Variants in CFAP61 observed in about 807,000 individuals in gnomAD.
CFAP61 encodes the protein cilia- and flagella-associated protein 61.
In CFAP61, 107 loss-of-function variants were observed where a neutral mutation model predicts 135.6. The ratio of observed to expected loss-of-function variants is 0.79; its 90% confidence interval spans 0.67 to 0.93. The LOEUF (loss-of-function observed/expected upper bound fraction) is 0.93. Among genes scored for constraint, CFAP61 ranks in the 40% least tolerant of loss-of-function variants. CFAP61 has a pLI of 0.00. For missense variants in CFAP61, 1,507 were observed against 1,556.2 expected (o/e 0.97, Z 0.53); for synonymous variants, 575 against 578.5 (o/e 0.99, Z 0.09).
intron 22 of CFAP61, among the ~76,000 whole-genome samples, chr20:20,280,977 A>G (rs955938650): frequency 1.3e-5 from 2 of 151,888 alleles, no homozygotes; most frequent in African/African-American, 4.8e-5. Flanking sequence ...TATGTTTGGT[A>G]TCTTTTCGTT....
chr20:20,234,226 C>T (rs1461871761), intron 18 of CFAP61, among the ~76,000 whole-genome samples: 1 of 152,172 alleles, frequency 6.6e-6, no homozygotes, highest in Non-Finnish European at 1.5e-5. Flanking sequence ...TGGGTCCCCA[C>T]TGTGGACATC....
intron 6 of CFAP61, among the ~76,000 whole-genome samples, chr20:20,081,191 C>T (rs962889469): frequency 3.3e-5 from 5 of 152,116 alleles, no homozygotes; most frequent in Non-Finnish European, 7.3e-5. Flanking sequence ...AAACATGTTC[C>T]TACAAAGTAG....
At chr20:20,188,142 G>T (rs2055648649) in intron 14 of CFAP61, 86 bp downstream of exon 14, 10 of 1,449,708 alleles carry the variant, frequency 6.9e-6, no homozygotes. Flanking sequence ...CCTTGGATCT[G>T]AGTTGGAAAA....
At chr20:20,190,245 G>A (rs570668277) in intron 14 of CFAP61, among the ~76,000 whole-genome samples, 1 of 152,304 alleles carries the variant, frequency 6.6e-6, no homozygotes, top group South Asian at 2.1e-4. Flanking sequence ...ACACACTGTG[G>A]CACATCATGT....
At chr20:20,269,184 C>CATATATACATACATGTATATAT (rs1569219557) in intron 21 of CFAP61, among the ~76,000 whole-genome samples, 10 of 84,254 alleles carry the variant, frequency 1.2e-4, no homozygotes, top group Middle Eastern at 0.01. Context: ...TGTATATACA[C>CATATATACATACATGTATATAT]ACACATATAT....
At chr20:20,308,401 T>C (rs2056605017) in intron 25 of CFAP61, among the ~76,000 whole-genome samples, 2 of 141,256 alleles carry the variant, frequency 1.4e-5, no homozygotes, top group African/African-American at 5.2e-5. Flanking sequence ...GAAAACATTC[T>C]CTCCAGATCA....
In CFAP61 at chr20:20,118,251, A is replaced by ATGTT. The variant is rs1371575120; in HGVS notation, c.859+19439_859+19442dup. On this transcript the variant is annotated intron_variant, in intron 8 of 26. Coordinates refer to ENST00000245957, the MANE Select transcript of CFAP61 (RefSeq NM_015585.4). ...TATATGGTCTTCATTATTTTGAGGTATGTTTCTTTCTTTCTTTCTTTCTTT... is the reference window on the plus strand; with the variant it reads ...TATATGGTCTTCATTATTTTGAGGTATGTTTGTTTCTTTCTTTCTTTCTTTCTTT... Among the ~76,000 whole-genome samples, 710 of 113,730 alleles carry ATGTT rather than the reference A, an allele frequency of 6.2e-3. 8 individuals are homozygous for ATGTT. The highest frequency in any genetic ancestry group is 0.021 in the African/African-American group (677 of 31,792). 74.6% of individuals were successfully genotyped at this position (113,730 alleles called of 152,430 possible).
intron 8 of CFAP61, among the ~76,000 whole-genome samples, chr20:20,137,704 G>A (rs1600882868): frequency 6.6e-6 from 1 of 152,274 alleles, no homozygotes; most frequent in South Asian, 2.1e-4. Context: ...GCCAAAGCCT[G>A]GAACTGGGGA....
At chr20:20,084,623 G>A (rs945705531) in intron 6 of CFAP61, among the ~76,000 whole-genome samples, 7 of 152,174 alleles carry the variant, frequency 4.6e-5, no homozygotes, top group South Asian at 4.1e-4. Flanking sequence ...CAGGATCTGC[G>A]TGTCACCCAG....
chr20:20,132,353 G>GT (rs1160703799), intron 8 of CFAP61, among the ~76,000 whole-genome samples: 1 of 151,288 alleles, frequency 6.6e-6, no homozygotes. Context: ...GTTTTGTTTT[G>GT]TTTTTTACTA....
At chr20:20,271,656 C>T (rs2053365645) in intron 21 of CFAP61, among the ~76,000 whole-genome samples, 2 of 152,186 alleles carry the variant, frequency 1.3e-5, no homozygotes, top group South Asian at 4.1e-4. Flanking sequence ...GAGTAATGCA[C>T]GATTTATTCG....
At chr20:20,186,102 T>C (rs1053045907) in intron 13 of CFAP61, among the ~76,000 whole-genome samples, 4 of 152,252 alleles carry the variant, frequency 2.6e-5, no homozygotes, top group African/African-American at 9.6e-5. Flanking sequence ...CATTGTGCAG[T>C]TACCACGTCT....
At chr20:20,257,787 A>T (rs976347478) in intron 20 of CFAP61, among the ~76,000 whole-genome samples, 2 of 152,206 alleles carry the variant, frequency 1.3e-5, no homozygotes, top group African/African-American at 4.8e-5. Flanking sequence ...AAGCTAAATT[A>T]ATCTAATAAA....
intron 19 of CFAP61, among the ~76,000 whole-genome samples, chr20:20,249,461 C>T (rs1185273120): frequency 6.6e-6 from 1 of 152,062 alleles, no homozygotes; most frequent in Non-Finnish European, 1.5e-5. Context: ...ATAGCTTGGG[C>T]CCAGGAGGTC....
chr20:20,169,735 G>T (rs2054088322), intron 13 of CFAP61, among the ~76,000 whole-genome samples: 4 of 151,542 alleles, frequency 2.6e-5, no homozygotes, highest in African/African-American at 9.7e-5. Context: ...TGTAACACAA[G>T]AAACAGATCC....
At chr20:20,086,671 G>T (rs1484505569) in intron 6 of CFAP61, among the ~76,000 whole-genome samples, 1 of 152,076 alleles carries the variant, frequency 6.6e-6, no homozygotes, top group Non-Finnish European at 1.5e-5. Flanking sequence ...CCTTGGCAAG[G>T]TCTCAGCACA....
chr20:20,185,089 T>G (rs901814602), intron 13 of CFAP61, among the ~76,000 whole-genome samples: 1 of 152,176 alleles, frequency 6.6e-6, no homozygotes. Context: ...TGCTCGTAAA[T>G]GTAGCAAAAT....
chr20:20,087,276 T>C (rs544573682), intron 6 of CFAP61, among the ~76,000 whole-genome samples: 3 of 152,286 alleles, frequency 2.0e-5, no homozygotes, highest in African/African-American at 4.8e-5. Context: ...TTTCAACCCA[T>C]ACCCTGCTCC....
chr20:20,120,874 G>A (rs2049557698), intron 8 of CFAP61, among the ~76,000 whole-genome samples: 1 of 152,080 alleles, frequency 6.6e-6, no homozygotes, highest in Admixed American at 6.5e-5. Context: ...TCCTTTATCA[G>A]TATATAGTGA....
Sources: allele counts gnomAD v4.1 joint callset (sites outside exome capture counted in the v4.1 genomes callset), GRCh38; gene constraint gnomAD v4.1.1; transcripts MANE v1.5; gene names NCBI Gene and HGNC (gene_info 2026-07-23, HGNC 2026-07-21).